The following CCDC60 variants were observed in gnomAD, a reference collection of about 807,000 sequenced individuals.
CCDC60 encodes the protein coiled-coil domain containing 60, also known as coiled-coil domain-containing protein 60.
CCDC60 carries 54 observed loss-of-function variants against 63.5 expected under a neutral mutation model. The observed-to-expected ratio is 0.85, with a 90% CI of 0.68 to 1.07. The LOEUF is 1.07. Among genes scored for constraint, CCDC60 ranks in the 50% least tolerant of loss-of-function variants. CCDC60 has a pLI of 0.00. For synonymous variants in CCDC60, 206 were observed against 238.8 expected, an observed-to-expected ratio of 0.86 and a Z score of 1.27; for missense variants, 651 against 684.3, an observed-to-expected ratio of 0.95 and a Z score of 0.54.
At chr12:119,470,684 A>C (rs1951040636) in intron 2 of CCDC60, among the ~76,000 whole-genome samples, 1 of 152,164 alleles carries the variant, frequency 6.6e-6, no homozygotes, top group African/African-American at 2.4e-5. Flanking sequence ...AGAGGAGAGG[A>C]AGAGGCCACC....
rs764208425 is a variant in CCDC60, at chr12:119,428,756, G to A, written c.164G>A (p.Arg55Gln). The A allele has an allele frequency of 2.8e-5, 44 of 1,591,048 alleles. 1 individual carries two copies. The East Asian group carries it at 3.6e-4, about 13-fold the overall frequency. ...ATAAACCTCAAAAAGGACCTTATAC[G>A]AAGCCGGTGAGTGAGCCCAGCAGGG... ...EIINLKKDLIRSRFLIQSVKI... is the reference protein window; with the variant it reads ...EIINLKKDLIQSRFLIQSVKI... The change falls in exon 2 of 14, where the codon CGA becomes CAA. Residue 55 changes from arginine (R) to glutamine (Q), a missense_variant. Arg to Gln is a conservative substitution (Grantham distance 43). Transcript: ENST00000327554.
intron 7 of CCDC60, among the ~76,000 whole-genome samples, chr12:119,515,208 T>C (rs1952323910): frequency 6.6e-6 from 1 of 152,216 alleles, no homozygotes; most frequent in African/African-American, 2.4e-5. Flanking sequence ...AATAAGGTCA[T>C]CGACTGAGGT....
At chr12:119,430,197 C>T (rs975328706) in intron 2 of CCDC60, among the ~76,000 whole-genome samples, 11 of 145,354 alleles carry the variant, frequency 7.6e-5, no homozygotes, top group South Asian at 2.1e-4. Flanking sequence ...CACACACACA[C>T]ACACATACAC....
At chr12:119,454,420 C>A (rs1950688620) in intron 2 of CCDC60, among the ~76,000 whole-genome samples, 1 of 152,170 alleles carries the variant, frequency 6.6e-6, no homozygotes, top group East Asian at 1.9e-4. Context: ...AGTGCCACCA[C>A]CCCCTCCTGT....
At chr12:119,339,193 C>A (rs1373181080) in intron 1 of CCDC60, among the ~76,000 whole-genome samples, 1 of 152,090 alleles carries the variant, frequency 6.6e-6, no homozygotes, top group Non-Finnish European at 1.5e-5. Flanking sequence ...AGGGGAGAAG[C>A]AGATTGTGTA....
At chr12:119,526,292 C>T (rs1318247356) in intron 11 of CCDC60, among the ~76,000 whole-genome samples, 1 of 152,134 alleles carries the variant, frequency 6.6e-6, no homozygotes, top group African/African-American at 2.4e-5. Flanking sequence ...AAATGTAAAA[C>T]CCAAAACTAT....
intron 2 of CCDC60, among the ~76,000 whole-genome samples, chr12:119,466,926 A>T: frequency 6.6e-6 from 1 of 152,178 alleles, no homozygotes; most frequent in East Asian, 1.9e-4. Context: ...TTTCCATAAG[A>T]TATGTCCATC....
At chr12:119,443,017 G>C (rs1950476777) in intron 2 of CCDC60, among the ~76,000 whole-genome samples, 1 of 152,192 alleles carries the variant, frequency 6.6e-6, no homozygotes, top group Non-Finnish European at 1.5e-5. Flanking sequence ...AAGAGACAGT[G>C]TTCATGAAAG....
At chr12:119,500,197 T>A (rs1951815981) in intron 6 of CCDC60, 29 bp downstream of exon 6, 1 of 1,457,132 alleles carries the variant, frequency 6.9e-7, no homozygotes, top group Admixed American at 1.8e-5. Flanking sequence ...CTCAACCCTT[T>A]GGCTCCTAGG....
At chr12:119,348,717 C>A (rs117892033) in intron 1 of CCDC60, among the ~76,000 whole-genome samples, 3 of 152,304 alleles carry the variant, frequency 2.0e-5, no homozygotes, top group Non-Finnish European at 4.4e-5. Context: ...TGCATCCCAG[C>A]CATCTCCATG....
chr12:119,360,033 T>C (rs1955759909), intron 1 of CCDC60, among the ~76,000 whole-genome samples: 1 of 152,062 alleles, frequency 6.6e-6, no homozygotes, highest in African/African-American at 2.4e-5. Flanking sequence ...TGGCCCGTTC[T>C]CAATGAGCTG....
At chr12:119,439,662 C>T (rs1950400608) in intron 2 of CCDC60, among the ~76,000 whole-genome samples, 1 of 152,154 alleles carries the variant, frequency 6.6e-6, no homozygotes, top group Admixed American at 6.5e-5. Flanking sequence ...GGTCACCTGT[C>T]CTACAAAATG....
At chr12:119,408,463 C>T (rs1956533158) in intron 1 of CCDC60, among the ~76,000 whole-genome samples, 2 of 152,148 alleles carry the variant, frequency 1.3e-5, no homozygotes, top group South Asian at 4.1e-4. Context: ...GTATCAGGTG[C>T]TTTCTGGCTG....
At chr12:119,455,578 G>A (rs1456427001) in intron 2 of CCDC60, among the ~76,000 whole-genome samples, 1 of 152,020 alleles carries the variant, frequency 6.6e-6, no homozygotes, top group Non-Finnish European at 1.5e-5. Context: ...AAAAGCATGT[G>A]CAGGCGGGTC....
chr12:119,475,406 T>C (rs1444486157), intron 3 of CCDC60, among the ~76,000 whole-genome samples: 1 of 152,232 alleles, frequency 6.6e-6, no homozygotes, highest in African/African-American at 2.4e-5. Flanking sequence ...TGTTTCAGTG[T>C]GTGAGAAATG....
At chr12:119,452,011 A>G (rs1032922653) in intron 2 of CCDC60, among the ~76,000 whole-genome samples, 5 of 152,182 alleles carry the variant, frequency 3.3e-5, no homozygotes, top group African/African-American at 1.2e-4. Context: ...GGTCCCCACA[A>G]TGCGCCAAAG....
chr12:119,496,643 T>C lies in CCDC60; in HGVS notation c.558-3435T>C, dbSNP rs553384676. Among the ~76,000 whole-genome samples the C allele has an allele frequency of 3.9e-5, 6 of 152,346 alleles. No individual in the cohort carries two copies. In the South Asian group the frequency reaches 6.2e-4, roughly 16 times the overall value. On this transcript the variant is annotated intron_variant, in intron 5 of 13. Coordinates refer to ENST00000327554, the MANE Select transcript of CCDC60 (RefSeq NM_178499.5). The stretch of plus-strand genomic sequence containing the variant: ...CATGAAGCCCTTAATAAGCCCCATT[T>C]CTTTTCATCTTCACGGCAATCCTTT...
chr12:119,346,831 T>TCTTTCTTTC (rs1565964762), intron 1 of CCDC60, among the ~76,000 whole-genome samples: 3 of 111,560 alleles, frequency 2.7e-5, no homozygotes, highest in African/African-American at 3.0e-5. Context: ...TTTCTTTCTT[T>TCTTTCTTTC]CTTTTTTTTT....
At chr12:119,374,011 C>G (rs1400729138) in intron 1 of CCDC60, among the ~76,000 whole-genome samples, 4 of 150,870 alleles carry the variant, frequency 2.7e-5, no homozygotes, top group Non-Finnish European at 5.9e-5. Flanking sequence ...CTGCTCCTGA[C>G]AGAACACCAG....
Sources: allele counts gnomAD v4.1 joint callset (sites outside exome capture counted in the v4.1 genomes callset), GRCh38; gene constraint gnomAD v4.1.1; transcripts MANE v1.5; gene names NCBI Gene and HGNC (gene_info 2026-07-23, HGNC 2026-07-21).